Variants in APLP2 observed in about 807,000 individuals in gnomAD.
APLP2 encodes the protein CDEI box-binding protein.
Under a neutral mutation model 89.9 loss-of-function variants are expected in APLP2, and 53 were observed. The ratio of observed to expected loss-of-function variants is 0.59; its 90% CI spans 0.47 to 0.74. APLP2 has a LOEUF of 0.74. Among genes scored for constraint, APLP2 ranks in the 30% least tolerant of loss-of-function variants. The pLI, the probability that APLP2 is intolerant of heterozygous loss-of-function variation, is 0.00. For missense variants in APLP2, 973 were observed against 975.9 expected, an observed-to-expected ratio of 1.00 and a Z score of 0.04; for synonymous variants, 372 against 348.6, an observed-to-expected ratio of 1.07 and a Z score of -0.75.
In APLP2 at chr11:130,123,908, C is replaced by A; in HGVS notation, c.1090+129C>A. On this transcript the variant is annotated intron_variant, in intron 7 of 16. Coordinates refer to ENST00000338167, the MANE Select transcript of APLP2 (RefSeq NM_001142276.2). The surrounding 1 kb of genome is among the most constrained non-coding windows in gnomAD (Gnocchi z 4.0). ...CGGGTGTTTGCTGTCGGTCGTCTTC[C>A]CCTCATCTTTGTGCTTTCTAGATCT... 9.7e-7 allele frequency: 1 copy of A among 1,027,488 alleles called. No individual in the cohort carries two copies. The highest frequency in any genetic ancestry group is 1.4e-6 in the Non-Finnish European group (1 of 695,694). 63.6% of individuals were successfully genotyped at this position (1,027,488 alleles called of 1,614,324 possible). A position where few individuals can be genotyped will look rare whatever the true frequency, so the allele number is the denominator to read the frequency against.
intron 1 of APLP2, among the ~76,000 whole-genome samples, chr11:130,072,912 C>T (rs1214895161): frequency 6.6e-6 from 1 of 152,198 alleles, no homozygotes; most frequent in African/African-American, 2.4e-5. Flanking sequence ...GGTGTAGCCA[C>T]AAGCCACATG....
chr11:130,134,560 T>A (rs570428118), intron 12 of APLP2, among the ~76,000 whole-genome samples: 1 of 152,324 alleles, frequency 6.6e-6, no homozygotes, highest in Non-Finnish European at 1.5e-5. Context: ...GTTAGAGGAT[T>A]TTCAGCTAGG....
At chr11:130,087,758 A>G (rs1336576914) in intron 1 of APLP2, among the ~76,000 whole-genome samples, 1 of 152,068 alleles carries the variant, frequency 6.6e-6, no homozygotes, top group Admixed American at 6.6e-5. Flanking sequence ...AATACTGTAG[A>G]ATGTTTTTCC....
intron 16 of APLP2, among the ~76,000 whole-genome samples, chr11:130,142,957 A>G (rs1952601723): frequency 6.6e-6 from 1 of 152,112 alleles, no homozygotes; most frequent in Non-Finnish European, 1.5e-5. Context: ...CTAGCTGTAG[A>G]ATTTCAGAAC....
chr11:130,107,587 A>G (rs1266297841), intron 1 of APLP2, among the ~76,000 whole-genome samples: 1 of 152,248 alleles, frequency 6.6e-6, no homozygotes, highest in African/African-American at 2.4e-5. Flanking sequence ...ATGGAAGAAC[A>G]TTCCATGCTC....
At chr11:130,128,639 A>G (rs1444351929) in intron 9 of APLP2, among the ~76,000 whole-genome samples, 6 of 152,218 alleles carry the variant, frequency 3.9e-5, no homozygotes, top group Admixed American at 2.0e-4. Context: ...TAATGACAGG[A>G]ATACTTCAAC....
At chr11:130,096,055 A>G (rs1446571893) in intron 1 of APLP2, among the ~76,000 whole-genome samples, 1 of 152,152 alleles carries the variant, frequency 6.6e-6, no homozygotes, top group East Asian at 1.9e-4. Flanking sequence ...GTTGGAGGAG[A>G]AGGCCTTCCA....
At position 130,109,561 on chromosome 11, in the gene APLP2, T is replaced by G. The variant is rs1228549166; in HGVS notation, c.238T>G (p.Cys80Gly). 1 of 1,613,614 alleles carries G rather than the reference T, an allele frequency of 6.2e-7. No individual in the cohort carries two copies. The highest frequency in any genetic ancestry group is 1.3e-5 in the African/African-American group (1 of 74,984). Residue 80 changes from cysteine (C) to glycine (G), a missense_variant, in exon 2 of 17, where the codon TGC becomes GGC. Physicochemically the swap from Cys to Gly is radical, Grantham distance 159 (BLOSUM62 -3). Coordinates refer to ENST00000338167, the MANE Select transcript of APLP2 (RefSeq NM_001142276.2). ...ACCTGATCCAACAGGCACCAAGAGC[T>G]GCTTTGAAACAAAAGAAGAAGTTCT... Reference protein sequence around the residue: ...WEPDPTGTKSCFETKEEVLQY... With the variant: ...WEPDPTGTKSGFETKEEVLQY...
chr11:130,115,003 C>T (rs968647386), intron 3 of APLP2, among the ~76,000 whole-genome samples: 1 of 152,078 alleles, frequency 6.6e-6, no homozygotes, highest in Non-Finnish European at 1.5e-5. Flanking sequence ...GACCCCTGTG[C>T]AAGGTGAATG....
intron 1 of APLP2, among the ~76,000 whole-genome samples, chr11:130,105,342 G>A (rs1947525360): frequency 6.6e-6 from 1 of 152,162 alleles, no homozygotes; most frequent in African/African-American, 2.4e-5. Flanking sequence ...CTTGAGCCCA[G>A]GGGGTCGAGA....
Position 130,140,465 on chromosome 11 carries a change from T to C in APLP2, c.1905T>C (p.Asn635=), listed in dbSNP as rs1368948578. The C allele has an allele frequency of 1.2e-6, 2 of 1,611,168 alleles. No individual in the cohort carries two copies. The highest frequency in any genetic ancestry group is 1.7e-6 in the Non-Finnish European group (2 of 1,178,860). Residue 635 remains asparagine, a synonymous_variant, in exon 14 of 17, where the codon AAT becomes AAC. Transcript: ENST00000338167. ...GAEEKVINSK[N]KVDENMVIDE... ...AAGAGAAAGTGATTAACAGTAAGAATAAAGTGGATGAAAACATGGTGAGCC... is the reference window on the plus strand; with the variant it reads ...AAGAGAAAGTGATTAACAGTAAGAACAAAGTGGATGAAAACATGGTGAGCC...
chr11:130,131,318 T>G (rs1408609950), intron 11 of APLP2, among the ~76,000 whole-genome samples: 1 of 152,188 alleles, frequency 6.6e-6, no homozygotes, highest in Non-Finnish European at 1.5e-5. Flanking sequence ...AGGCTGGTCT[T>G]GGGCTCCTGG....
intron 3 of APLP2, among the ~76,000 whole-genome samples, chr11:130,112,810 A>C (rs954358601): frequency 1.3e-5 from 2 of 152,148 alleles, no homozygotes; most frequent in Non-Finnish European, 2.9e-5. Context: ...CGTGGCTTCA[A>C]AACTCCATGA....
At position 130,140,479 on chromosome 11, in the gene APLP2, A is replaced by G. The variant is rs773752785; in HGVS notation, c.1919A>G (p.Asn640Ser). The G allele has an allele frequency of 6.3e-5, 101 of 1,608,406 alleles. No homozygotes were observed. In the South Asian group the frequency reaches 8.8e-4, roughly 14 times the overall value. The change falls in exon 14 of 17, where the codon AAC (asparagine) becomes AGC (serine). Residue 640 changes from asparagine to serine, a missense_variant. Transcript: ENST00000338167. ...AACAGTAAGAATAAAGTGGATGAAA[A>G]CATGGTGAGCCTGTTCTTTCTTCTG... ...VINSKNKVDENMVIDETLDVK... is the reference protein window; with the variant it reads ...VINSKNKVDESMVIDETLDVK...
In APLP2 at chr11:130,140,503, T is replaced by TAA. The variant is rs1309060385; in HGVS notation, c.1923+20_1923+21insAA. 1 of 1,583,896 alleles carries TAA rather than the reference T, an allele frequency of 6.3e-7. No homozygotes were observed. Among genetic ancestry groups the TAA allele is most frequent in the African/African-American group, 1.4e-5 (1 of 74,036 alleles). On this transcript the variant is annotated intron_variant, in intron 14 of 16. Coordinates refer to ENST00000338167, the MANE Select transcript of APLP2 (RefSeq NM_001142276.2). ...AACATGGTGAGCCTGTTCTTTCTTC[T>TAA]GCCCAACACGCTTTACTTTTGAGAC...
In APLP2 at chr11:130,090,745, T is replaced by C. The variant is rs1235478214; in HGVS notation, c.106-18684T>C. Among the ~76,000 whole-genome samples the C allele has an allele frequency of 4.6e-5, 7 of 152,374 alleles. No homozygotes were observed. In the East Asian group the frequency reaches 7.7e-4, roughly 17 times the overall value. ...CCCCTCCACTCCACAAAGCCGCCAT[T>C]GTCATCCTGGCCCGCTCTCAATGAG... On this transcript the variant is annotated intron_variant, in intron 1 of 16. Coordinates refer to ENST00000338167, the MANE Select transcript of APLP2 (RefSeq NM_001142276.2).
Position 130,120,072 on chromosome 11 carries a change from T to A in APLP2, c.404-634T>A, listed in dbSNP as rs182845748. Among the ~76,000 whole-genome samples, 164 of 152,338 alleles carry A rather than the reference T, an allele frequency of 1.1e-3. 1 individual carries two copies. Among genetic ancestry groups the A allele is most frequent in the African/African-American group, 3.2e-3 (133 of 41,578 alleles). On this transcript the variant is annotated intron_variant, in intron 3 of 16. Coordinates refer to ENST00000338167, the MANE Select transcript of APLP2 (RefSeq NM_001142276.2). ...GTGTTTTAGCATGATTAGATTCAAATGATAATATATTTTGGCAGAAATACT... is the reference window on the plus strand; with the variant it reads ...GTGTTTTAGCATGATTAGATTCAAAAGATAATATATTTTGGCAGAAATACT...
chr11:130,076,535 T>A (rs1942155833), intron 1 of APLP2, among the ~76,000 whole-genome samples: 1 of 152,186 alleles, frequency 6.6e-6, no homozygotes, highest in Non-Finnish European at 1.5e-5. Flanking sequence ...GAGAGAAGGC[T>A]GCCAGCACCA....
Position 130,143,461 on chromosome 11 carries a change from G to A in APLP2, c.*13G>A, listed in dbSNP as rs199617316. On this transcript the variant is annotated 3_prime_UTR_variant, in exon 17 of 17. Transcript: ENST00000338167. The stretch of plus-strand genomic sequence containing the variant: ...GATGCAGATTTAGGTGGCAGGGAGC[G>A]CGGCAGCCCTGGCGGAGGGATGCAG... The A allele has an allele frequency of 3.7e-5, 59 of 1,607,316 alleles. No homozygotes were observed. The East Asian group carries it at 4.0e-4, about 11-fold the overall frequency.
Sources: allele counts gnomAD v4.1 joint callset (sites outside exome capture counted in the v4.1 genomes callset), GRCh38; gene constraint gnomAD v4.1.1; non-coding constraint Gnocchi (gnomAD v3.1); transcripts MANE v1.5; gene names NCBI Gene and HGNC (gene_info 2026-07-23, HGNC 2026-07-21).